Variants in CSMD1 observed in about 807,000 individuals in gnomAD.
The protein encoded by CSMD1 is CUB and Sushi multiple domains 1.
CSMD1 carries 213 observed loss-of-function variants against 417.5 expected under a neutral mutation model. That is an observed-to-expected ratio of 0.51 (90% CI 0.46 to 0.57). The LOEUF is 0.57. CSMD1 is among the 20% of genes least tolerant of loss of function. The probability of loss-of-function intolerance (pLI) is 0.00; values close to 1 mark genes in which losing one functional copy is unlikely to be tolerated. For synonymous variants in CSMD1, 2,862 were observed against 1,736.8 expected, an observed-to-expected ratio of 1.65 and a Z score of -16.11; for missense variants, 6,923 against 4,529.7, an observed-to-expected ratio of 1.53 and a Z score of -15.17.
Position 4,273,554 on chromosome 8 carries a change from A to G in CSMD1, c.415+146399T>C, listed in dbSNP as rs995719834. 2.6e-5 allele frequency among the ~76,000 whole-genome samples: 4 copies of G among 152,196 alleles called. No homozygotes were observed. The East Asian group carries it at 7.7e-4, about 29-fold the overall frequency. ...ATTAACTTCAATTTTCAGTTAAGCA[A>G]TGAATATATTTTAATATAAATATTT... On this transcript the variant is annotated intron_variant, in intron 3 of 69. Transcript: ENST00000635120.
intron 33 of CSMD1, among the ~76,000 whole-genome samples, chr8:3,193,055 C>T (rs1441260347): frequency 1.3e-5 from 2 of 152,134 alleles, no homozygotes; most frequent in Non-Finnish European, 2.9e-5. Flanking sequence ...TACCTGCTAT[C>T]GTGGCAAAGG....
At position 3,893,104 on chromosome 8, in the gene CSMD1, C is replaced by CA. The variant is rs546870952; in HGVS notation, c.818+104798dup. On this transcript the variant is annotated intron_variant, in intron 5 of 69. Coordinates refer to ENST00000635120, the MANE Select transcript of CSMD1 (RefSeq NM_033225.6). ...TGGAATTAGCTTTCTATTATCTCTG[C>CA]AAAAAACATGACAAAATCATCCTCA... Among the ~76,000 whole-genome samples, 161 of 151,630 alleles carry CA rather than the reference C, an allele frequency of 1.1e-3. 1 individual carries two copies. The highest frequency in any genetic ancestry group is 3.6e-3 in the African/African-American group (148 of 41,398).
At chr8:4,545,761 C>A (rs546641108) in intron 2 of CSMD1, among the ~76,000 whole-genome samples, 1 of 152,294 alleles carries the variant, frequency 6.6e-6, no homozygotes, top group East Asian at 1.9e-4. Flanking sequence ...AAAAACGCAT[C>A]TGTACCTGGA....
At chr8:3,339,583 G>T (rs952559985) in intron 23 of CSMD1, among the ~76,000 whole-genome samples, 1 of 152,130 alleles carries the variant, frequency 6.6e-6, no homozygotes, top group African/African-American at 2.4e-5. Flanking sequence ...CCATGTACCG[G>T]AAACCCTATG....
At chr8:4,101,877 C>G (rs1407327369) in intron 3 of CSMD1, among the ~76,000 whole-genome samples, 3 of 152,284 alleles carry the variant, frequency 2.0e-5, no homozygotes, top group Middle Eastern at 3.4e-3. Flanking sequence ...TGCCCATCAT[C>G]TTGTTAACAA....
intron 7 of CSMD1, among the ~76,000 whole-genome samples, chr8:3,636,281 A>T (rs1797041950): frequency 6.6e-6 from 1 of 152,154 alleles, no homozygotes; most frequent in South Asian, 2.1e-4. Context: ...ATCCCTCCTG[A>T]AGGCCCTGCC....
At chr8:4,731,624 A>G (rs970805800) in intron 1 of CSMD1, among the ~76,000 whole-genome samples, 5 of 152,102 alleles carry the variant, frequency 3.3e-5, no homozygotes, top group Non-Finnish European at 7.4e-5. Context: ...CCATCCCTGC[A>G]CTCCAGGAGA....
At chr8:4,921,288 T>G (rs183533120) in intron 1 of CSMD1, among the ~76,000 whole-genome samples, 107 of 152,312 alleles carry the variant, frequency 7.0e-4, no homozygotes, top group Non-Finnish European at 1.3e-3. Flanking sequence ...GTGGGGGTGC[T>G]AAACACATTT....
chr8:4,306,370 A>T (rs1178877855), intron 3 of CSMD1, among the ~76,000 whole-genome samples: 1 of 149,868 alleles, frequency 6.7e-6, no homozygotes, highest in Non-Finnish European at 1.5e-5. Flanking sequence ...AATGAGCCTC[A>T]CTCTGATAAT....
At chr8:4,571,913 G>A (rs1798912461) in intron 2 of CSMD1, among the ~76,000 whole-genome samples, 1 of 152,146 alleles carries the variant, frequency 6.6e-6, no homozygotes, top group Non-Finnish European at 1.5e-5. Context: ...TTGGTTTAAA[G>A]TCTGTTTTAT....
chr8:4,225,981 G>C (rs535326024), intron 3 of CSMD1, among the ~76,000 whole-genome samples: 12 of 151,722 alleles, frequency 7.9e-5, no homozygotes, highest in African/African-American at 2.4e-4. Context: ...ATAGATTCAA[G>C]TTCAAGAGGT....
chr8:2,966,778 AG>A lies in CSMD1; in HGVS notation c.8924-33del. The A allele has an allele frequency of 3.7e-6, 6 of 1,604,318 alleles. No individual in the cohort carries two copies. In the South Asian group the frequency reaches 6.7e-5, roughly 18 times the overall value. On this transcript the variant is annotated intron_variant, in intron 57 of 69. Coordinates refer to ENST00000635120, the MANE Select transcript of CSMD1 (RefSeq NM_033225.6). ...GGCAAACAAGAACACCACCACACAC[AG>A]TGAGTGACCCAGCATGAAAATGGCA...
rs899915419 is a variant in CSMD1, at chr8:3,817,311, C to T, written c.819-63269G>A. 1.2e-4 allele frequency among the ~76,000 whole-genome samples: 12 copies of T among 102,328 alleles called. 1 individual carries two copies. Among genetic ancestry groups the T allele is most frequent in the East Asian group, 3.4e-4 (1 of 2,920 alleles). 67.1% of individuals were successfully genotyped at this position (102,328 alleles called of 152,430 possible). ...TTTTTTTTTTTTTGAGATGGAGTCT[C>T]GCTGTGTCACCCAGGCTGGAGTACA... is the stretch of plus-strand genomic sequence containing the variant. On this transcript the variant is annotated intron_variant, in intron 5 of 69. Transcript: ENST00000635120.
intron 23 of CSMD1, among the ~76,000 whole-genome samples, chr8:3,337,619 G>T (rs901705949): frequency 2.6e-5 from 4 of 152,068 alleles, no homozygotes; most frequent in African/African-American, 4.8e-5. Flanking sequence ...CAAAACCAGC[G>T]CCTGGACAGA....
chr8:3,627,636 G>A (rs1444712187), intron 7 of CSMD1, among the ~76,000 whole-genome samples: 3 of 152,134 alleles, frequency 2.0e-5, no homozygotes, highest in Non-Finnish European at 2.9e-5. Flanking sequence ...AGGGAACTAT[G>A]AGATAATAAT....
intron 3 of CSMD1, among the ~76,000 whole-genome samples, chr8:4,146,881 G>A (rs1015518394): frequency 1.4e-5 from 2 of 144,526 alleles, no homozygotes; most frequent in African/African-American, 2.9e-5. Flanking sequence ...AAGTGCCGGC[G>A]TGATTACATG....
intron 1 of CSMD1, among the ~76,000 whole-genome samples, chr8:4,894,515 C>T (rs112353432): frequency 1.3e-5 from 2 of 149,128 alleles, no homozygotes; most frequent in South Asian, 2.1e-4. Flanking sequence ...ATCGCACCAT[C>T]GCATTCCAGC....
chr8:4,058,424 G>C (rs1232449860), intron 3 of CSMD1, among the ~76,000 whole-genome samples: 1 of 152,132 alleles, frequency 6.6e-6, no homozygotes, highest in Non-Finnish European at 1.5e-5. Flanking sequence ...TCAGCTTAAG[G>C]AGATTTTCGG....
intron 3 of CSMD1, among the ~76,000 whole-genome samples, chr8:4,301,734 T>A (rs1448418099): frequency 6.6e-6 from 1 of 152,212 alleles, no homozygotes; most frequent in East Asian, 1.9e-4. Flanking sequence ...GCTGTGGGTT[T>A]CATCTTCACT....
Sources: allele counts gnomAD v4.1 joint callset (sites outside exome capture counted in the v4.1 genomes callset), GRCh38; gene constraint gnomAD v4.1.1; transcripts MANE v1.5; gene names NCBI Gene and HGNC (gene_info 2026-07-23, HGNC 2026-07-21).